Variants in MYO10 observed in about 807,000 individuals in gnomAD.
MYO10 encodes the protein unconventional myosin-X.
In MYO10, 133 loss-of-function variants were observed where a neutral mutation model predicts 257.3. The observed-to-expected ratio is 0.52, with a 90% CI of 0.45 to 0.60. MYO10 has a LOEUF of 0.60. Ranked by LOEUF, MYO10 falls within the 20% of genes least tolerant of loss-of-function variation. The probability of loss-of-function intolerance (pLI) is 0.00; values close to 1 mark genes in which losing one functional copy is unlikely to be tolerated. For missense variants in MYO10, 2,399 were observed against 2,635.7 expected, an observed-to-expected ratio of 0.91 and a Z score of 1.97; for synonymous variants, 1,104 against 1,028.6, an observed-to-expected ratio of 1.07 and a Z score of -1.40.
At position 16,889,188 on chromosome 5, in the gene MYO10, T is replaced by TA. The variant is rs1561040761; in HGVS notation, c.22-11482_22-11481insT. ...ACCCTGCCTCAAAATTTAAAAAAAT[T>TA]TAAAAAAAAAAAAAAAAAATCAGCC... is the stretch of plus-strand genomic sequence containing the variant. On this transcript the variant is annotated intron_variant, in intron 1 of 40. Transcript: ENST00000513610. Among the ~76,000 whole-genome samples, 226 of 136,138 alleles carry TA rather than the reference T, an allele frequency of 1.7e-3. 4 individuals are homozygous for TA. The highest frequency in any genetic ancestry group is 5.6e-3 in the African/African-American group (190 of 33,810). The allele number at this position is 136,138 out of a possible 152,430, so 89.3% of individuals were successfully genotyped here. A position where few individuals can be genotyped will look rare whatever the true frequency, so the allele number is the denominator to read the frequency against.
At chr5:16,792,174 GAGAC>G (rs1213226321) in intron 4 of MYO10, among the ~76,000 whole-genome samples, 13 of 145,584 alleles carry the variant, frequency 8.9e-5, no homozygotes, top group Admixed American at 2.0e-4. Context: ...GGGAGAGACA[GAGAC>G]AGACAGAGAC....
chr5:16,824,809 G>A (rs1479791968), intron 2 of MYO10, among the ~76,000 whole-genome samples: 1 of 152,212 alleles, frequency 6.6e-6, no homozygotes, highest in Non-Finnish European at 1.5e-5. Context: ...GGAGGTTGCA[G>A]TGAGCCAAGA....
At chr5:16,799,497 T>C (rs1580004052) in intron 3 of MYO10, among the ~76,000 whole-genome samples, 1 of 29,728 alleles carries the variant, frequency 3.4e-5, no homozygotes, top group East Asian at 6.2e-4. Flanking sequence ...AGAGAAATAC[T>C]TTTTTTTTTT....
intron 17 of MYO10, among the ~76,000 whole-genome samples, chr5:16,759,015 G>A (rs537521170): frequency 4.0e-5 from 6 of 151,756 alleles, no homozygotes; most frequent in African/African-American, 7.3e-5. Context: ...TCTGCCTCCC[G>A]GGTTCAAGCG....
intron 19 of MYO10, among the ~76,000 whole-genome samples, chr5:16,716,494 T>C (rs1451078225): frequency 1.3e-5 from 1 of 75,408 alleles, no homozygotes; most frequent in Non-Finnish European, 2.8e-5. Context: ...TCATGAACAG[T>C]GCATGACAAT....
chr5:16,871,760 G>C (rs1744462269), intron 2 of MYO10, among the ~76,000 whole-genome samples: 1 of 152,212 alleles, frequency 6.6e-6, no homozygotes, highest in African/African-American at 2.4e-5. Context: ...ATGTAGGTCA[G>C]TAGAAAAACA....
chr5:16,687,475 C>T (rs150419997), intron 28 of MYO10, among the ~76,000 whole-genome samples: 14 of 151,086 alleles, frequency 9.3e-5, no homozygotes, highest in East Asian at 2.0e-4. Context: ...ATGAAAGAGA[C>T]GCTAGGGTAT....
rs1277886242 is a variant in MYO10 at position 16,680,233 on chromosome 5, A to G, written c.4385-129T>C. 3.5e-6 allele frequency: 4 copies of G among 1,147,178 alleles called. No individual in the cohort carries two copies. The East Asian group carries it at 1.0e-4, about 30-fold the overall frequency. The allele number at this position is 1,147,178 out of a possible 1,614,324, so 71.1% of individuals were successfully genotyped here. A position where few individuals can be genotyped will look rare whatever the true frequency, so the allele number is the denominator to read the frequency against. On this transcript the variant is annotated intron_variant, in intron 32 of 40. Coordinates refer to ENST00000513610, the MANE Select transcript of MYO10 (RefSeq NM_012334.3). The stretch of plus-strand genomic sequence containing the variant: ...CAATAGACACTGGCTTAATTCCTAC[A>G]TGTGTCCTGTCCTGCCCTGCACTAG...
rs575040518 is a variant in MYO10 at position 16,673,607 on chromosome 5, T to C, written c.5172+75A>G. ...CTGTGCAGGACAGCCACTCTAATGC[T>C]GCACAATGTTCCTGACGCAGGTGTA... On this transcript the variant is annotated intron_variant, in intron 36 of 40. Coordinates refer to ENST00000513610, the MANE Select transcript of MYO10 (RefSeq NM_012334.3). The C allele has an allele frequency of 6.0e-6, 9 of 1,493,966 alleles. No homozygotes were observed. The Admixed American group carries it at 1.8e-4, about 29-fold the overall frequency. 92.5% of individuals were successfully genotyped at this position (1,493,966 alleles called of 1,614,324 possible).
In MYO10 at chr5:16,709,431, G is replaced by A. The variant is rs149652611; in HGVS notation, c.2169+1477C>T. On this transcript the variant is annotated intron_variant, in intron 21 of 40. Transcript: ENST00000513610. ...GACGGGATATCACTTCTGTGAGAAC[G>A]CTACAACCCTACGCTGGAGCATGTG... Among the ~76,000 whole-genome samples, 1,188 of 152,260 alleles carry A rather than the reference G, an allele frequency of 7.8e-3. 5 individuals are homozygous for A. Among genetic ancestry groups the A allele is most frequent in the South Asian group, 0.012 (59 of 4,808 alleles).
At chr5:16,852,337 G>A (rs1467848408) in intron 2 of MYO10, among the ~76,000 whole-genome samples, 2 of 151,678 alleles carry the variant, frequency 1.3e-5, no homozygotes, top group Non-Finnish European at 2.9e-5. Flanking sequence ...GGGCTTAATC[G>A]TAGATGTATA....
chr5:16,784,813 G>T (rs1741525782), intron 4 of MYO10, among the ~76,000 whole-genome samples: 1 of 152,198 alleles, frequency 6.6e-6, no homozygotes, highest in Non-Finnish European at 1.5e-5. Context: ...TAAAAGAGAA[G>T]AAATGACTCA....
chr5:16,846,953 A>C (rs951327816), intron 2 of MYO10, among the ~76,000 whole-genome samples: 2 of 151,888 alleles, frequency 1.3e-5, no homozygotes, highest in African/African-American at 2.4e-5. Context: ...CCCCATCTTT[A>C]CTAAAAATAC....
rs563272639 is a variant in MYO10 at position 16,869,861 on chromosome 5, T to C, written c.120+7748A>G. Among the ~76,000 whole-genome samples the C allele has an allele frequency of 5.3e-4, 77 of 144,084 alleles. 4 individuals carry two copies. The highest frequency in any genetic ancestry group is 1.9e-3 in the African/African-American group (71 of 37,828). The allele number at this position is 144,084 out of a possible 152,430, so 94.5% of individuals were successfully genotyped here. On this transcript the variant is annotated intron_variant, in intron 2 of 40. Transcript: ENST00000513610. ...GCTGGGGCAAAAGAGCAAGACTCCA[T>C]TTCAAAAAACTATAATAATAATAAT...
chr5:16,717,804 C>T (rs977497931), intron 19 of MYO10, among the ~76,000 whole-genome samples: 1 of 152,244 alleles, frequency 6.6e-6, no homozygotes, highest in African/African-American at 2.4e-5. Flanking sequence ...CCTCAGAGCC[C>T]TCACTTGCTC....
chr5:16,673,434 C>G (rs1736566645), intron 36 of MYO10, among the ~76,000 whole-genome samples: 1 of 152,174 alleles, frequency 6.6e-6, no homozygotes, highest in Non-Finnish European at 1.5e-5. Context: ...AGACACTCAG[C>G]TGCTTCTCAG....
chr5:16,818,862 C>T (rs1466048633), intron 2 of MYO10, among the ~76,000 whole-genome samples: 1 of 152,212 alleles, frequency 6.6e-6, no homozygotes, highest in Non-Finnish European at 1.5e-5. Flanking sequence ...TTATAGTTCA[C>T]TTCTCTGCAT....
intron 19 of MYO10, among the ~76,000 whole-genome samples, chr5:16,728,898 C>A (rs1739472609): frequency 6.6e-6 from 1 of 152,232 alleles, no homozygotes; most frequent in Admixed American, 6.5e-5. Context: ...GATGTGGCTG[C>A]ATCGTTTTTA....
intron 16 of MYO10, 36 bp from the exon 17 acceptor site, chr5:16,761,582 G>C: frequency 6.7e-7 from 1 of 1,491,642 alleles, no homozygotes; most frequent in Non-Finnish European, 9.3e-7. Context: ...AAAACTGATT[G>C]AAAGAATAGT....
Sources: gnomAD v4.1 joint callset for allele counts (sites outside exome capture counted in the v4.1 genomes callset) on GRCh38, gnomAD v4.1.1 for gene constraint, MANE v1.5 for transcripts, NCBI Gene and HGNC (gene_info 2026-07-23, HGNC 2026-07-21) for gene names.